LAMB3: variants seen among roughly 807,000 people sequenced by gnomAD.
LAMB3 encodes laminin subunit beta-3.
A neutral mutation model predicts 140.3 loss-of-function variants in LAMB3; 104 were observed. That is an observed-to-expected ratio of 0.74 (90% CI 0.63 to 0.87). LAMB3 has a LOEUF of 0.87. Among genes scored for constraint, LAMB3 ranks in the 40% least tolerant of loss-of-function variants. The pLI, the probability that LAMB3 is intolerant of heterozygous loss-of-function variation, is 0.00. For synonymous variants in LAMB3, 592 were observed against 602.9 expected (o/e 0.98, Z 0.26); for missense variants, 1,531 against 1,575.2 (o/e 0.97, Z 0.47).
chr1:209,643,297 A>G (rs182718210), intron 3 of LAMB3, among the ~76,000 whole-genome samples: 34 of 151,612 alleles, frequency 2.2e-4, no homozygotes, highest in African/African-American at 8.0e-4. Flanking sequence ...AGAATCTCTC[A>G]TATGTGATAT....
At position 209,623,705 on chromosome 1, in the gene LAMB3, T is replaced by C. The variant is rs752009807; in HGVS notation, c.2158A>G (p.Thr720Ala). 9 of 1,613,986 alleles carry C rather than the reference T, an allele frequency of 5.6e-6. No homozygotes were observed. Among genetic ancestry groups the C allele is most frequent in the African/African-American group, 2.7e-5 (2 of 74,942 alleles). ...DPSGAFRMLSTAYEQSAQAAQ... is the reference protein window; with the variant it reads ...DPSGAFRMLSAAYEQSAQAAQ... Reference sequence around the variant, plus strand: ...GCCTGGGCTGACTGCTCGTAGGCTGTGCTCAGCATCCGGAAGGCTCCTGTG... The same window carrying C: ...GCCTGGGCTGACTGCTCGTAGGCTGCGCTCAGCATCCGGAAGGCTCCTGTG... The change falls in exon 16 of 23, where the codon ACA (threonine) becomes GCA (alanine). Residue 720 changes from threonine (T) to alanine (A), a missense_variant. Physicochemically the swap from Thr to Ala is moderately conservative, Grantham distance 58. Transcript: ENST00000356082. This position sits in a 1 kb window ranked among gnomAD's most constrained non-coding sequence, Gnocchi z 4.2.
Position 209,639,316 on chromosome 1 carries a change from G to A in LAMB3, c.184-668C>T, listed in dbSNP as rs118107248. ...GAGTTACAATAGGGAACAAAACAAA[G>A]GCCCTGCCCTCAGGGACCCAAAATT... On this transcript the variant is annotated intron_variant, in intron 3 of 22. Transcript: ENST00000356082. Among the ~76,000 whole-genome samples, 167 of 152,274 alleles carry A rather than the reference G, an allele frequency of 1.1e-3. 2 individuals carry two copies. The East Asian group carries it at 0.027, about 25-fold the overall frequency.
In LAMB3 at chr1:209,633,153, A is replaced by C; in HGVS notation, c.565-20T>G. On this transcript the variant is annotated intron_variant, in intron 6 of 22. Coordinates refer to ENST00000356082, the MANE Select transcript of LAMB3 (RefSeq NM_000228.3). ...TTGGACCTACAGAGGGAAGGGAAAG[A>C]GAAGCGCTGAAGAAGAGACAAATAG... 1 of 1,581,390 alleles carries C rather than the reference A, an allele frequency of 6.3e-7. No individual in the cohort carries two copies. Among genetic ancestry groups the C allele is most frequent in the Non-Finnish European group, 8.7e-7 (1 of 1,150,166 alleles).
chr1:209,626,082 G>A (rs1666440582), intron 13 of LAMB3, 56 bp from the exon 14 acceptor site: 1 of 1,583,750 alleles, frequency 6.3e-7, no homozygotes, highest in African/African-American at 1.3e-5. Context: ...AGAAGCAGCT[G>A]TCAGGGAGAG....
intron 10 of LAMB3, among the ~76,000 whole-genome samples, chr1:209,629,427 A>G (rs2102428054): frequency 6.6e-6 from 1 of 152,364 alleles, no homozygotes; most frequent in Non-Finnish European, 1.5e-5. Flanking sequence ...AGGTGTATAC[A>G]GTTTATATTG....
chr1:209,637,645 C>G (rs1427435104), intron 5 of LAMB3, among the ~76,000 whole-genome samples: 1 of 152,168 alleles, frequency 6.6e-6, no homozygotes. Flanking sequence ...AGAATTGGTA[C>G]TTGGCAGAGC....
At chr1:209,627,919 T>C (rs1666531093) in intron 11 of LAMB3, 116 bp downstream of exon 11, 2 of 1,347,666 alleles carry the variant, frequency 1.5e-6, no homozygotes, top group Middle Eastern at 2.3e-4. Context: ...ATACCCCCTC[T>C]GTCTACCCTG....
rs370825808 is a variant in LAMB3, at chr1:209,626,040, A to C, written c.1598-14T>G. On this transcript the variant is annotated splice_polypyrimidine_tract_variant and intron_variant, in intron 13 of 22. Coordinates refer to ENST00000356082, the MANE Select transcript of LAMB3 (RefSeq NM_000228.3). ...CACAGTCACAGGCTAGGGCCAAGAA[A>C]AATGACAGTCAGAGACAGGGGTCAG... 6.2e-7 allele frequency: 1 copy of C among 1,611,422 alleles called. No individual in the cohort carries two copies. The highest frequency in any genetic ancestry group is 1.3e-5 in the African/African-American group (1 of 74,890).
At position 209,650,089 on chromosome 1, in the gene LAMB3, C is replaced by A; in HGVS notation, c.58G>T (p.Ala20Ser). 2 of 1,613,946 alleles carry A rather than the reference C, an allele frequency of 1.2e-6. No individual in the cohort carries two copies. Among genetic ancestry groups the A allele is most frequent in the Non-Finnish European group, 1.7e-6 (2 of 1,179,984 alleles). ...ALPGLLHAQQACSRGACYPPV... is the reference protein window; with the variant it reads ...ALPGLLHAQQSCSRGACYPPV... ...GGATAGCAGGCCCCACGGGAGCAGG[C>A]TTGTTGGGCATGCAGGAGGCCAGGC... Residue 20 changes from alanine (A) to serine (S), a missense_variant, in exon 3 of 23, where the codon GCC becomes TCC. By Grantham distance (99) the Ala-to-Ser change is moderately conservative (BLOSUM62 1). Transcript: ENST00000356082.
At chr1:209,639,699 T>G (rs140732085) in intron 3 of LAMB3, among the ~76,000 whole-genome samples, 2 of 152,294 alleles carry the variant, frequency 1.3e-5, no homozygotes, top group Non-Finnish European at 2.9e-5. Context: ...CACGACCTTT[T>G]CCCAGCTCCC....
Position 209,615,097 on chromosome 1 carries a change from T to A in LAMB3, c.*174A>T, listed in dbSNP as rs1216738136. ...TGTCAAGTGTAACTGTCCCATTGGC[T>A]CAGGCTCAGCTGCAGCTCAGGGTAA... On this transcript the variant is annotated 3_prime_UTR_variant, in exon 23 of 23. Coordinates refer to ENST00000356082, the MANE Select transcript of LAMB3 (RefSeq NM_000228.3). 5 of 701,840 alleles carry A rather than the reference T, an allele frequency of 7.1e-6. No individual in the cohort carries two copies. The highest frequency in any genetic ancestry group is 5.3e-5 in the African/African-American group (3 of 56,332). The allele number at this position is 701,840 out of a possible 1,614,324, so 43.5% of individuals were successfully genotyped here.
intron 20 of LAMB3, 104 bp from the exon 21 acceptor site, chr1:209,617,690 A>G: frequency 7.2e-7 from 1 of 1,387,004 alleles, no homozygotes; most frequent in Non-Finnish European, 1.0e-6. Context: ...ACCCTCTCCA[A>G]CCAGAACAAA....
Position 209,623,731 on chromosome 1 carries a change from G to T in LAMB3, c.2138-6C>A. ...GCTCAGCATCCGGAAGGCTCCTGTG[G>T]CGAGAAGCATGAGGAATGGAGATGG... On this transcript the variant is annotated splice_region_variant and splice_polypyrimidine_tract_variant and intron_variant, in intron 15 of 22. Coordinates refer to ENST00000356082, the MANE Select transcript of LAMB3 (RefSeq NM_000228.3). This position sits in a 1 kb window ranked among gnomAD's most constrained non-coding sequence, Gnocchi z 4.2. The T allele has an allele frequency of 6.2e-7, 1 of 1,613,906 alleles. No homozygotes were observed. Among genetic ancestry groups the T allele is most frequent in the Non-Finnish European group, 8.5e-7 (1 of 1,180,020 alleles).
chr1:209,633,202 C>T, intron 6 of LAMB3, 69 bp from the exon 7 acceptor site: 1 of 1,177,706 alleles, frequency 8.5e-7, no homozygotes, highest in Admixed American at 1.7e-5. Flanking sequence ...CAGAAGAAAC[C>T]TTTCTTTCCA....
intron 1 of LAMB3, chr1:209,651,243 G>A (rs2076564144): frequency 2.1e-6 from 1 of 466,394 alleles, no homozygotes; most frequent in Non-Finnish European, 3.9e-6. Context: ...CTCTAAAATG[G>A]ATGGGAAGGA....
intron 12 of LAMB3, among the ~76,000 whole-genome samples, 163 bp from the exon 13 acceptor site, chr1:209,627,141 G>C (rs889366828): frequency 3.3e-5 from 5 of 152,192 alleles, no homozygotes; most frequent in Non-Finnish European, 7.4e-5. Context: ...ACTCAGAGAT[G>C]AGCCTTGAAG....
intron 3 of LAMB3, among the ~76,000 whole-genome samples, chr1:209,642,082 C>T (rs770698951): frequency 3.9e-5 from 6 of 151,952 alleles, no homozygotes; most frequent in South Asian, 2.1e-4. Context: ...CTGGAGACTG[C>T]GGAAATGCCC....
Position 209,614,889 on chromosome 1 carries a change from C to T in LAMB3, c.*382G>A, listed in dbSNP as rs1463640520. 3 of 195,110 alleles carry T rather than the reference C, an allele frequency of 1.5e-5. No homozygotes were observed. The highest frequency in any genetic ancestry group is 5.8e-5 in the Admixed American group (1 of 17,342). 12.1% of individuals were successfully genotyped at this position (195,110 alleles called of 1,614,324 possible). ...AGACTGTTTTTCCTCGTTGAACCTC[C>T]AGGCTCTTTTCCAAAGATTTTTATT... is the stretch of plus-strand genomic sequence containing the variant. On this transcript the variant is annotated 3_prime_UTR_variant, in exon 23 of 23. Coordinates refer to ENST00000356082, the MANE Select transcript of LAMB3 (RefSeq NM_000228.3).
At chr1:209,627,909 A>G in intron 11 of LAMB3, 126 bp downstream of exon 11, 1 of 1,278,314 alleles carries the variant, frequency 7.8e-7, no homozygotes, top group South Asian at 1.3e-5. Context: ...AGGCCCGGGC[A>G]TACCCCCTCT....
Sources: gnomAD v4.1 joint callset for allele counts (sites outside exome capture counted in the v4.1 genomes callset) on GRCh38, gnomAD v4.1.1 for gene constraint, Gnocchi (gnomAD v3.1) non-coding constraint, MANE v1.5 for transcripts, NCBI Gene and HGNC (gene_info 2026-07-23, HGNC 2026-07-21) for gene names.